The following PTGS2 variants were observed in gnomAD, a reference collection of about 807,000 sequenced individuals.
PTGS2 encodes the protein prostaglandin G/H synthase 2.
Under a neutral mutation model 63.8 loss-of-function variants are expected in PTGS2, and 14 were observed. The ratio of observed to expected loss-of-function variants is 0.22; its 90% CI spans 0.14 to 0.34. PTGS2 has a LOEUF of 0.34. Among genes scored for constraint, PTGS2 ranks in the 10% least tolerant of loss-of-function variants. The probability of loss-of-function intolerance (pLI) is 1.00; values close to 1 mark genes in which losing one functional copy is unlikely to be tolerated. For synonymous variants in PTGS2, 271 were observed against 259.5 expected (o/e 1.04, Z -0.43); for missense variants, 533 against 738.5 (o/e 0.72, Z 3.23).
At chr1:186,679,933 A>G (rs1665846946) in intron 1 of PTGS2, among the ~76,000 whole-genome samples, 1 of 152,210 alleles carries the variant, frequency 6.6e-6, no homozygotes, top group Admixed American at 6.5e-5. Flanking sequence ...AACAATTCAC[A>G]TATATTGATC....
intron 8 of PTGS2, 147 bp from the exon 9 acceptor site, chr1:186,675,543 A>T: frequency 1.1e-6 from 1 of 942,358 alleles, no homozygotes; most frequent in Non-Finnish European, 1.5e-6. Flanking sequence ...CCTACATTTC[A>T]ACAGGAGCTC....
intron 2 of PTGS2, 42 bp downstream of exon 2, chr1:186,679,280 T>C (rs1430711439): frequency 2.5e-6 from 4 of 1,613,240 alleles, no homozygotes; most frequent in African/African-American, 1.3e-5. Context: ...GATAACTGTA[T>C]CCAGCCCCAC....
chr1:186,678,504 G>C (rs1215929910), intron 3 of PTGS2, 100 bp from the exon 4 acceptor site: 1 of 1,098,722 alleles, frequency 9.1e-7, no homozygotes, highest in African/African-American at 1.6e-5. Flanking sequence ...ACCTGAGGTT[G>C]AATGTAACTC....
chr1:186,679,652 G>T (rs1665841878), intron 1 of PTGS2, among the ~76,000 whole-genome samples: 1 of 152,108 alleles, frequency 6.6e-6, no homozygotes, highest in Non-Finnish European at 1.5e-5. Context: ...ATTCAACTTG[G>T]TACATCATGT....
intron 9 of PTGS2, 89 bp downstream of exon 9, chr1:186,675,160 G>T: frequency 6.5e-7 from 1 of 1,527,544 alleles, no homozygotes. Context: ...CTGGGTGACA[G>T]AGGGCGGCTC....
Position 186,677,812 on chromosome 1 carries a change from T to A in PTGS2, c.476A>T (p.Asp159Val). 1 of 1,613,494 alleles carries A rather than the reference T, an allele frequency of 6.2e-7. No homozygotes were observed. Among genetic ancestry groups the A allele is most frequent in the South Asian group, 1.1e-5 (1 of 90,946 alleles). ...LGVKGKKQLP[D>V]SNEIVEKLLL... Reference sequence around the variant, plus strand: ...CAATTTTTCCACAATCTCATTTGAATCAGGAAGCTGCTTTTTACCTGAAAA... The same window carrying A: ...CAATTTTTCCACAATCTCATTTGAAACAGGAAGCTGCTTTTTACCTGAAAA... The change falls in exon 5 of 10, where the codon GAT becomes GTT. Residue 159 changes from aspartate (D) to valine (V), a missense_variant. This residue lies in a region of PTGS2 where 118 missense variants were observed against 138.7 expected (regional missense o/e 0.85). Coordinates refer to ENST00000367468, the MANE Select transcript of PTGS2 (RefSeq NM_000963.4).
In PTGS2 at chr1:186,674,412, A is replaced by G; in HGVS notation, c.1756T>C (p.Ser586Pro). ...GTGGGATTGATATCATCTAGTCCGG[A>G]GCGGGAAGAACTTGCATTGATGGTG... is the stretch of plus-strand genomic sequence containing the variant. The part of the protein sequence containing the change: ...TVTINASSSR[S>P]GLDDINPTVL... Residue 586 changes from serine to proline, a missense_variant, in exon 10 of 10, where the codon TCC (serine) becomes CCC (proline). Physicochemically the swap from Ser to Pro is moderately conservative, Grantham distance 74 (BLOSUM62 -1). Around this residue, in one of 5 missense-constraint regions of PTGS2, gnomAD observed 219 missense variants for 267.4 expected, o/e 0.82. Coordinates refer to ENST00000367468, the MANE Select transcript of PTGS2 (RefSeq NM_000963.4). 1 of 1,614,030 alleles carries G rather than the reference A, an allele frequency of 6.2e-7. No homozygotes were observed.
intron 4 of PTGS2, 45 bp downstream of exon 4, chr1:186,678,216 C>A: frequency 1.3e-6 from 2 of 1,495,156 alleles, no homozygotes; most frequent in Non-Finnish European, 1.8e-6. Flanking sequence ...AGCAATGCAG[C>A]CCGTCTTATA....
At chr1:186,674,907 G>C (rs555904401) in intron 9 of PTGS2, 145 bp from the exon 10 acceptor site, 2 of 1,006,306 alleles carry the variant, frequency 2.0e-6, no homozygotes, top group East Asian at 2.6e-5. Flanking sequence ...GGCCAGGCGC[G>C]GTGGCTCACG....
At chr1:186,677,966 C>T (rs1440713166) in intron 4 of PTGS2, 136 bp from the exon 5 acceptor site, 1 of 826,568 alleles carries the variant, frequency 1.2e-6, no homozygotes, top group African/African-American at 1.8e-5. Flanking sequence ...AACAACAGTT[C>T]TAAGATATGG....
At chr1:186,679,510 CTA>C (rs1170951480) in intron 1 of PTGS2, 72 bp from the exon 2 acceptor site, 2 of 1,130,274 alleles carry the variant, frequency 1.8e-6, no homozygotes, top group Non-Finnish European at 2.6e-6. Flanking sequence ...AATTGTTTGA[CTA>C]TGAATCAACT....
chr1:186,674,745 C>A lies in PTGS2; in HGVS notation c.1423G>T (p.Ala475Ser). The stretch of plus-strand genomic sequence containing the variant: ...TCACCATAGAGTGCTTCCAACTCTG[C>A]AGACATTTCCTTTTCTCCTGTGAAG... ...EELTGEKEMS[A>S]ELEALYGDID... is the part of the protein sequence containing the mutation. Residue 475 changes from alanine (A) to serine (S), a missense_variant, in exon 10 of 10, where the codon GCA (alanine) becomes TCA (serine). Physicochemically the swap from Ala to Ser is moderately conservative, Grantham distance 99. This residue lies in a region of PTGS2 where 219 missense variants were observed against 267.4 expected (regional missense o/e 0.82). Coordinates refer to ENST00000367468, the MANE Select transcript of PTGS2 (RefSeq NM_000963.4). 1 of 1,607,470 alleles carries A rather than the reference C, an allele frequency of 6.2e-7. No individual in the cohort carries two copies. Among genetic ancestry groups the A allele is most frequent in the Non-Finnish European group, 8.5e-7 (1 of 1,176,944 alleles).
chr1:186,676,427 C>T, intron 7 of PTGS2, 40 bp downstream of exon 7: 3 of 1,596,864 alleles, frequency 1.9e-6, no homozygotes, highest in Non-Finnish European at 2.6e-6. Context: ...CTAATTTTCC[C>T]TGGGGAAGAG....
In PTGS2 at chr1:186,677,634, T is replaced by C; in HGVS notation, c.639+15A>G. 6.3e-7 allele frequency: 1 copy of C among 1,584,460 alleles called. No homozygotes were observed. The highest frequency in any genetic ancestry group is 1.1e-5 in the South Asian group (1 of 87,340). ...GTATAATTTTACTAACTCTAAGATA[T>C]TAACTCTATCTTACCCCATGGCCCA... On this transcript the variant is annotated intron_variant, in intron 5 of 9. Transcript: ENST00000367468.
Position 186,674,691 on chromosome 1 carries a change from G to A in PTGS2, c.1477C>T (p.Leu493Phe). The A allele has an allele frequency of 1.2e-6, 2 of 1,614,220 alleles. No homozygotes were observed. The highest frequency in any genetic ancestry group is 2.2e-5 in the East Asian group (1 of 44,884). The change falls in exon 10 of 10, where the codon CTT becomes TTT. Residue 493 changes from leucine to phenylalanine, a missense_variant. Leu to Phe is a conservative substitution (Grantham distance 22, BLOSUM62 0). Around this residue, in one of 5 missense-constraint regions of PTGS2, gnomAD observed 219 missense variants for 267.4 expected, o/e 0.82. Transcript: ENST00000367468. The stretch of plus-strand genomic sequence containing the variant: ...TCTGGCCGAGGCTTTTCTACCAGAA[G>A]GGCAGGATACAGCTCCACAGCATCG... The part of the protein sequence containing the change: ...DIDAVELYPA[L>F]LVEKPRPDAI...
rs199504402 is a variant in PTGS2, at chr1:186,674,398, A to G, written c.1770T>C (p.Asp590=). The G allele has an allele frequency of 6.2e-7, 1 of 1,613,946 alleles. No homozygotes were observed. The highest frequency in any genetic ancestry group is 8.5e-7 in the Non-Finnish European group (1 of 1,179,782). Residue 590 remains aspartate, a synonymous_variant, in exon 10 of 10, where the codon GAT becomes GAC. Coordinates refer to ENST00000367468, the MANE Select transcript of PTGS2 (RefSeq NM_000963.4). ...CTTTTAGTAGTACTGTGGGATTGAT[A>G]TCATCTAGTCCGGAGCGGGAAGAAC... ...NASSSRSGLD[D]INPTVLLKER... is the part of the protein sequence containing the mutation.
In PTGS2 at chr1:186,679,420, T is replaced by A; in HGVS notation, c.71A>T (p.His24Leu). Residue 24 changes from histidine (H) to leucine (L), a missense_variant, in exon 2 of 10, where the codon CAC becomes CTC. By Grantham distance (99) the His-to-Leu change is moderately conservative. Around this residue, in one of 5 missense-constraint regions of PTGS2, gnomAD observed 118 missense variants for 144.6 expected, o/e 0.82. Coordinates refer to ENST00000367468, the MANE Select transcript of PTGS2 (RefSeq NM_000963.4). ...LSHTANPCCS[H>L]PCQNRGVCMS... The stretch of plus-strand genomic sequence containing the variant: ...ACATACACCTCGGTTTTGACATGGG[T>A]GGGAACAGCAAGGATTTGCTGCAAT... 6.2e-7 allele frequency: 1 copy of A among 1,614,000 alleles called. No homozygotes were observed. Among genetic ancestry groups the A allele is most frequent in the Non-Finnish European group, 8.5e-7 (1 of 1,179,914 alleles).
chr1:186,680,090 A>G, intron 1 of PTGS2, 149 bp downstream of exon 1: 2 of 1,198,596 alleles, frequency 1.7e-6, no homozygotes, highest in Admixed American at 2.4e-5. Flanking sequence ...GTTCTTTCGA[A>G]CTCTAGCGGT....
intron 1 of PTGS2, 74 bp from the exon 2 acceptor site, chr1:186,679,512 A>C: frequency 9.0e-7 from 1 of 1,106,746 alleles, no homozygotes; most frequent in South Asian, 1.4e-5. Context: ...TTGTTTGACT[A>C]TGAATCAACT....
Sources: gnomAD v4.1 joint callset for allele counts (sites outside exome capture counted in the v4.1 genomes callset) on GRCh38, gnomAD v4.1.1 for gene constraint, gnomAD v4.1.1 regional missense constraint, MANE v1.5 for transcripts, NCBI Gene and HGNC (gene_info 2026-07-23, HGNC 2026-07-21) for gene names.